Variants in SHF observed in about 807,000 individuals in gnomAD.
SHF encodes SH2 domain-containing adapter protein F.
A neutral mutation model predicts 42.4 loss-of-function variants in SHF; 30 were observed. That is an observed-to-expected ratio of 0.71 (90% CI 0.53 to 0.96). The LOEUF is 0.96. Among genes scored for constraint, SHF ranks in the 40% least tolerant of loss-of-function variants. The probability of loss-of-function intolerance (pLI) is 0.00; values close to 1 mark genes in which losing one functional copy is unlikely to be tolerated. For missense variants in SHF, 598 were observed against 634.0 expected, an observed-to-expected ratio of 0.94 and a Z score of 0.61; for synonymous variants, 264 against 269.9, an observed-to-expected ratio of 0.98 and a Z score of 0.21.
At chr15:45,178,402 T>C (rs746131037) in intron 1 of SHF, 96 bp from the exon 2 acceptor site, 14 of 1,432,418 alleles carry the variant, frequency 9.8e-6, no homozygotes, top group Non-Finnish European at 1.3e-5. Flanking sequence ...GAGTCCCAAG[T>C]AGGCTGCCTT....
chr15:45,167,341 A>AGGATCGGGTTTATGCC lies in SHF; in HGVS notation c.*605_*606insGGCATAAACCCGATCC, dbSNP rs1486990257. On this transcript the variant is annotated 3_prime_UTR_variant, in exon 7 of 7. Coordinates refer to ENST00000690270, the MANE Select transcript of SHF (RefSeq NM_001394037.1). Reference sequence around the variant, plus strand: ...AGGCGCGGGCGCGGCTGTGCCCGGCAGGATCGGGTTTATTTATTGCCTCTG... The same window carrying AGGATCGGGTTTATGCC: ...AGGCGCGGGCGCGGCTGTGCCCGGCAGGATCGGGTTTATGCCGGATCGGGTTTATTTATTGCCTCTG... 6.6e-6 allele frequency: 1 copy of AGGATCGGGTTTATGCC among 152,018 alleles called. No homozygotes were observed. Among genetic ancestry groups the AGGATCGGGTTTATGCC allele is most frequent in the Non-Finnish European group, 1.5e-5 (1 of 68,110 alleles). 9.4% of individuals were successfully genotyped at this position (152,018 alleles called of 1,614,324 possible).
At chr15:45,168,657 A>C (rs892657847) in intron 6 of SHF, among the ~76,000 whole-genome samples, 22 of 152,152 alleles carry the variant, frequency 1.4e-4, no homozygotes, top group Admixed American at 1.3e-3. Flanking sequence ...GGGGAAGCTG[A>C]TCTGGAAGAC....
intron 1 of SHF, among the ~76,000 whole-genome samples, chr15:45,182,252 G>A (rs75929029): frequency 0.013 from 2,006 of 152,350 alleles, 22 homozygotes; most frequent in Non-Finnish European, 0.019. Flanking sequence ...CCTTGCTCTG[G>A]AAGGTCCCCA....
At chr15:45,199,953 C>CAAAAAAAA (rs56982094) in intron 1 of SHF, 5 of 59,520 alleles carry the variant, frequency 8.4e-5, no homozygotes, top group South Asian at 9.2e-4. Context: ...GGCTCCATCT[C>CAAAAAAAA]AAAAAAAAAA....
intron 2 of SHF, among the ~76,000 whole-genome samples, chr15:45,197,624 C>G (rs2458238): frequency 0.91 from 137,731 of 152,120 alleles, 63,520 homozygotes; most frequent in Non-Finnish European, 1. Flanking sequence ...GTATAGTAAA[C>G]AGTCCCTTTC....
At chr15:45,192,320 A>C (rs1898728788), upstream of SHF, among the ~76,000 whole-genome samples, 1 of 150,418 alleles carries the variant, frequency 6.6e-6, no homozygotes, top group Non-Finnish European at 1.5e-5. Flanking sequence ...AGTAGGCTCA[A>C]AGAAACTCCC....
At chr15:45,187,997 G>T (rs1170604130), upstream of SHF, 12 of 668,692 alleles carry the variant, frequency 1.8e-5, no homozygotes, top group Non-Finnish European at 2.4e-5. Context: ...CGGGTGGGGG[G>T]CGGGGGCGGG....
At chr15:45,191,912 A>G (rs1246932837), upstream of SHF, among the ~76,000 whole-genome samples, 1 of 151,522 alleles carries the variant, frequency 6.6e-6, no homozygotes, top group Non-Finnish European at 1.5e-5. Context: ...AACACGGTGG[A>G]AACCCTGTCT....
chr15:45,178,256 G>A lies in SHF; in HGVS notation c.549C>T (p.Gly183=), dbSNP rs369972169. The change falls in exon 2 of 7, where the codon GGC becomes GGT. Residue 183 remains glycine (G), a synonymous_variant. Transcript: ENST00000690270. ...CTCCTGAAGCTCCTGCTGAGCCTTC[G>A]CCAGTCTCCTGAACATCAAACGGGT... ...YADPFDVQET[G]EGSAGASGAP... is the part of the protein sequence containing the mutation. 22 of 1,613,822 alleles carry A rather than the reference G, an allele frequency of 1.4e-5. No homozygotes were observed. Among genetic ancestry groups the A allele is most frequent in the Admixed American group, 3.3e-5 (2 of 59,994 alleles).
At chr15:45,193,359 C>A (rs898879407) in intron 2 of SHF, among the ~76,000 whole-genome samples, 1 of 152,158 alleles carries the variant, frequency 6.6e-6, no homozygotes, top group Non-Finnish European at 1.5e-5. Flanking sequence ...AAAGGTGGGA[C>A]AACTGGAGGC....
At chr15:45,174,924 T>G (rs1304857458) in intron 3 of SHF, among the ~76,000 whole-genome samples, 2 of 152,204 alleles carry the variant, frequency 1.3e-5, no homozygotes, top group Admixed American at 6.5e-5. Context: ...TTGGAATTTA[T>G]TTTTAAATAT....
At chr15:45,192,903 G>C (rs991969025), upstream of SHF, among the ~76,000 whole-genome samples, 2 of 152,304 alleles carry the variant, frequency 1.3e-5, no homozygotes, top group East Asian at 3.9e-4. Context: ...GCACTACATA[G>C]GGGATGTTGT....
At chr15:45,197,286 G>C (rs1447195581) in intron 2 of SHF, among the ~76,000 whole-genome samples, 1 of 147,946 alleles carries the variant, frequency 6.8e-6, no homozygotes, top group African/African-American at 2.5e-5. Context: ...ACCTGGCCAT[G>C]TCACTCATTT....
intron 1 of SHF, among the ~76,000 whole-genome samples, chr15:45,184,777 C>T (rs901620290): frequency 6.6e-6 from 1 of 152,258 alleles, no homozygotes; most frequent in African/African-American, 2.4e-5. Context: ...GGGGGCCAGA[C>T]GAGGGCCCAG....
At chr15:45,187,309 G>T in intron 1 of SHF, 145 bp downstream of exon 1, 1 of 745,808 alleles carries the variant, frequency 1.3e-6, no homozygotes, top group Non-Finnish European at 1.8e-6. Flanking sequence ...GTGGGTGAAG[G>T]CTCGGAACCC....
intron 1 of SHF, among the ~76,000 whole-genome samples, chr15:45,180,551 C>T (rs943080195): frequency 6.6e-6 from 1 of 152,258 alleles, no homozygotes; most frequent in African/African-American, 2.4e-5. Context: ...TTCCACTTTC[C>T]TCTTTAGTTT....
upstream of SHF, chr15:45,188,011 G>A: frequency 2.6e-6 from 1 of 379,552 alleles, no homozygotes; most frequent in Non-Finnish European, 4.2e-6. Flanking sequence ...GGGCGGGGGT[G>A]GGGAGGGGGG....
At position 45,170,306 on chromosome 15, in the gene SHF, T is replaced by C. The variant is rs760699149; in HGVS notation, c.1280+1577A>G. On this transcript the variant is annotated intron_variant, in intron 6 of 6. Transcript: ENST00000690270. ...TTTCTGTCTATAAAAAAGAGATCTA[T>C]CTTGCAGGGGAGTAGTTGGTTTAGA... is the stretch of plus-strand genomic sequence containing the variant. The C allele has an allele frequency of 9.3e-6, 11 of 1,188,056 alleles. No individual in the cohort carries two copies. In the South Asian group the frequency reaches 1.6e-4, roughly 17 times the overall value. 73.6% of individuals were successfully genotyped at this position (1,188,056 alleles called of 1,614,324 possible).
intron 1 of SHF, among the ~76,000 whole-genome samples, chr15:45,182,343 T>C (rs1898171474): frequency 6.6e-6 from 1 of 152,248 alleles, no homozygotes. Context: ...TAGACCTCTG[T>C]CTTTTTATCT....
Sources: allele counts gnomAD v4.1 joint callset (sites outside exome capture counted in the v4.1 genomes callset), GRCh38; gene constraint gnomAD v4.1.1; transcripts MANE v1.5; gene names NCBI Gene and HGNC (gene_info 2026-07-23, HGNC 2026-07-21).